The following ERCC3 variants were observed in gnomAD, a reference collection of about 807,000 sequenced individuals.
ERCC3 encodes the protein ERCC excision repair 3, TFIIH core complex helicase subunit.
A neutral mutation model predicts 94.2 loss-of-function variants in ERCC3; 66 were observed. The observed-to-expected ratio is 0.70, with a 90% CI of 0.57 to 0.86. ERCC3 has a LOEUF of 0.86. Ranked by LOEUF, ERCC3 falls within the 40% of genes least tolerant of loss-of-function variation. ERCC3 has a pLI of 0.00. For synonymous variants in ERCC3, 349 were observed against 369.1 expected (o/e 0.95, Z 0.63); for missense variants, 829 against 987.1 (o/e 0.84, Z 2.15).
rs141091016 is a variant in ERCC3, at chr2:127,269,038, G to A, written c.1945+2298C>T. On this transcript the variant is annotated intron_variant, in intron 12 of 14. Coordinates refer to ENST00000285398, the MANE Select transcript of ERCC3 (RefSeq NM_000122.2). ...GGGAGAATTTAAGCATGAATATGCCGCACAAAGCAAGAATTCACATCATGG... is the reference window on the plus strand; with the variant it reads ...GGGAGAATTTAAGCATGAATATGCCACACAAAGCAAGAATTCACATCATGG... Among the ~76,000 whole-genome samples the A allele has an allele frequency of 6.0e-3, 910 of 152,282 alleles. 9 individuals are homozygous for A. The highest frequency in any genetic ancestry group is 7.0e-3 in the Non-Finnish European group (478 of 68,028).
At chr2:127,275,906 G>A (rs1172790571) in intron 10 of ERCC3, among the ~76,000 whole-genome samples, 1 of 152,136 alleles carries the variant, frequency 6.6e-6, no homozygotes, top group Non-Finnish European at 1.5e-5. Context: ...AAAACCCGCC[G>A]CCTCTGTGTC....
chr2:127,289,567 G>A, intron 5 of ERCC3, 66 bp from the exon 6 acceptor site: 2 of 1,603,304 alleles, frequency 1.2e-6, no homozygotes, highest in Non-Finnish European at 1.7e-6. Context: ...AGCAATGGGT[G>A]AAGTTGTAAA....
intron 10 of ERCC3, among the ~76,000 whole-genome samples, chr2:127,273,431 C>T (rs1391486595): frequency 1.3e-5 from 2 of 152,152 alleles, no homozygotes; most frequent in African/African-American, 4.8e-5. Flanking sequence ...TCCCATAACA[C>T]TAAGTTTTAA....
At chr2:127,273,642 G>A (rs1310413515) in intron 10 of ERCC3, among the ~76,000 whole-genome samples, 4 of 151,262 alleles carry the variant, frequency 2.6e-5, no homozygotes, top group East Asian at 2.0e-4. Flanking sequence ...CCAGCTACTC[G>A]GGAGGCTGAG....
intron 10 of ERCC3, among the ~76,000 whole-genome samples, chr2:127,275,588 T>C (rs991219929): frequency 6.6e-6 from 1 of 152,002 alleles, no homozygotes; most frequent in African/African-American, 2.4e-5. Flanking sequence ...GCTGCAAATG[T>C]AGGTGGGGGA....
chr2:127,272,633 A>C (rs980482501), intron 11 of ERCC3, among the ~76,000 whole-genome samples: 10 of 152,242 alleles, frequency 6.6e-5, no homozygotes, highest in African/African-American at 1.7e-4. Flanking sequence ...CCCCAAAAGA[A>C]CTGGAAAAAC....
At chr2:127,276,725 G>A (rs945735766) in intron 10 of ERCC3, among the ~76,000 whole-genome samples, 11 of 152,148 alleles carry the variant, frequency 7.2e-5, no homozygotes, top group Non-Finnish European at 1.3e-4. Context: ...TGAAGGACAC[G>A]AGTTTCCAGA....
rs1034596012 is a variant in ERCC3, at chr2:127,257,876, G to A, written c.2218-149C>T. On this transcript the variant is annotated intron_variant, in intron 14 of 14. Transcript: ENST00000285398. The surrounding 1 kb of genome is among the most constrained non-coding windows in gnomAD (Gnocchi z 5.4). Reference sequence around the variant, plus strand: ...GTTTACAGATCGCTTACTGTCTCAGGCATTGTTCTAAGCATTTTACATGCA... The same window carrying A: ...GTTTACAGATCGCTTACTGTCTCAGACATTGTTCTAAGCATTTTACATGCA... 2 of 914,860 alleles carry A rather than the reference G, an allele frequency of 2.2e-6. No individual in the cohort carries two copies. Among genetic ancestry groups the A allele is most frequent in the South Asian group, 2.9e-5 (2 of 68,352 alleles). The allele number at this position is 914,860 out of a possible 1,614,324, so 56.7% of individuals were successfully genotyped here. A position where few individuals can be genotyped will look rare whatever the true frequency, so the allele number is the denominator to read the frequency against.
At position 127,274,411 on chromosome 2, in the gene ERCC3, T is replaced by A. The variant is rs1352666118; in HGVS notation, c.1731-1450A>T. Among the ~76,000 whole-genome samples the A allele has an allele frequency of 6.6e-6, 1 of 152,138 alleles. No individual in the cohort carries two copies. Among genetic ancestry groups the A allele is most frequent in the African/African-American group, 2.4e-5 (1 of 41,448 alleles). ...AAGACAGGTTTCATGTTCCCCAATT[T>A]ACATGTGGGAAACCAAGGGTCAGAA... On this transcript the variant is annotated intron_variant, in intron 10 of 14. Coordinates refer to ENST00000285398, the MANE Select transcript of ERCC3 (RefSeq NM_000122.2). This position sits in a 1 kb window ranked among gnomAD's most constrained non-coding sequence, Gnocchi z 4.0.
intron 12 of ERCC3, among the ~76,000 whole-genome samples, chr2:127,268,207 G>A (rs1246771779): frequency 1.3e-5 from 2 of 152,174 alleles, no homozygotes; most frequent in African/African-American, 4.8e-5. Flanking sequence ...ACTCACCTCA[G>A]CCTCCCAAAG....
At chr2:127,273,476 G>A (rs1009174233) in intron 10 of ERCC3, among the ~76,000 whole-genome samples, 3 of 152,074 alleles carry the variant, frequency 2.0e-5, no homozygotes, top group African/African-American at 2.4e-5. Flanking sequence ...CCTGCCAGGC[G>A]CGGTGGTTCA....
chr2:127,263,117 G>T (rs1684246293), intron 12 of ERCC3, among the ~76,000 whole-genome samples: 2 of 152,176 alleles, frequency 1.3e-5, no homozygotes, highest in African/African-American at 2.4e-5. Flanking sequence ...TGTTCCTTTT[G>T]CTTAGGATTG....
chr2:127,276,157 G>A (rs985636919), intron 10 of ERCC3, among the ~76,000 whole-genome samples: 4 of 152,198 alleles, frequency 2.6e-5, no homozygotes, highest in African/African-American at 7.2e-5. Context: ...CCTAACACAC[G>A]GTGGTGCCCA....
At position 127,257,299 on chromosome 2, in the gene ERCC3, A is replaced by T; in HGVS notation, c.*297T>A. ...CACTTGTACAATGAAGACTGGTTCA[A>T]TGGTCCATTCTGTTTATTCAGAACG... On this transcript the variant is annotated 3_prime_UTR_variant, in exon 15 of 15. Coordinates refer to ENST00000285398, the MANE Select transcript of ERCC3 (RefSeq NM_000122.2). This position sits in a 1 kb window ranked among gnomAD's most constrained non-coding sequence, Gnocchi z 5.4. The T allele has an allele frequency of 2.1e-6, 1 of 465,264 alleles. No homozygotes were observed. The highest frequency in any genetic ancestry group is 2.0e-5 in the African/African-American group (1 of 51,148). The allele number at this position is 465,264 out of a possible 1,614,324, so 28.8% of individuals were successfully genotyped here. A position where few individuals can be genotyped will look rare whatever the true frequency, so the allele number is the denominator to read the frequency against.
chr2:127,273,817 A>G (rs1158500301), intron 10 of ERCC3, among the ~76,000 whole-genome samples: 1 of 151,216 alleles, frequency 6.6e-6, no homozygotes, highest in Admixed American at 6.6e-5. Flanking sequence ...CTATCAATGA[A>G]CTCAATGGTT....
chr2:127,293,377 G>A (rs1685344713), intron 2 of ERCC3, 136 bp downstream of exon 2: 1 of 829,148 alleles, frequency 1.2e-6, no homozygotes, highest in South Asian at 1.6e-5. Flanking sequence ...CTGTTCCAAC[G>A]TGTGTGGATG....
At position 127,257,350 on chromosome 2, in the gene ERCC3, A is replaced by G. The variant is rs958740612; in HGVS notation, c.*246T>C. Reference sequence around the variant, plus strand: ...GTAACATAAATACACCTTAAATATTAACATTTTTTATATACAGAAATGACC... The same window carrying G: ...GTAACATAAATACACCTTAAATATTGACATTTTTTATATACAGAAATGACC... On this transcript the variant is annotated 3_prime_UTR_variant, in exon 15 of 15. Transcript: ENST00000285398. This position sits in a 1 kb window ranked among gnomAD's most constrained non-coding sequence, Gnocchi z 5.4. The G allele has an allele frequency of 2.0e-5, 11 of 551,038 alleles. No individual in the cohort carries two copies. Among genetic ancestry groups the G allele is most frequent in the African/African-American group, 1.9e-4 (10 of 52,998 alleles). 34.1% of individuals were successfully genotyped at this position (551,038 alleles called of 1,614,324 possible).
In ERCC3 at chr2:127,265,773, T is replaced by C. The variant is rs190506382; in HGVS notation, c.1946-4427A>G. 2.3e-3 allele frequency among the ~76,000 whole-genome samples: 351 copies of C among 152,316 alleles called. 6 individuals are homozygous for C. The highest frequency in any genetic ancestry group is 7.5e-3 in the African/African-American group (313 of 41,572). The stretch of plus-strand genomic sequence containing the variant: ...TTTCATTGATCCTTTGTATTGTTTT[T>C]GAGTCTGAATTTCATTTAGTTCTGC... On this transcript the variant is annotated intron_variant, in intron 12 of 14. Transcript: ENST00000285398.
intron 8 of ERCC3, among the ~76,000 whole-genome samples, chr2:127,282,124 C>T (rs1032308706): frequency 6.6e-6 from 1 of 152,182 alleles, no homozygotes; most frequent in Admixed American, 6.5e-5. Context: ...GTGGAACCAC[C>T]TAGATCAGGA....
Sources: gnomAD v4.1 joint callset for allele counts (sites outside exome capture counted in the v4.1 genomes callset) on GRCh38, gnomAD v4.1.1 for gene constraint, Gnocchi (gnomAD v3.1) non-coding constraint, MANE v1.5 for transcripts, NCBI Gene and HGNC (gene_info 2026-07-23, HGNC 2026-07-21) for gene names.